The following XRN2 variants were observed in gnomAD, a reference collection of about 807,000 sequenced individuals.
XRN2 encodes the protein DHM1-like protein.
Under a neutral mutation model 138.5 loss-of-function variants are expected in XRN2, and 44 were observed. The ratio of observed to expected loss-of-function variants is 0.32; its 90% CI spans 0.25 to 0.41. The LOEUF (loss-of-function observed/expected upper bound fraction) is 0.41. XRN2 is among the 10% of genes least tolerant of loss of function. The pLI is 1.00. For missense variants in XRN2, 937 were observed against 1,169.3 expected (o/e 0.80, Z 2.90); for synonymous variants, 354 against 369.4 (o/e 0.96, Z 0.48).
At chr20:21,376,755 T>C (rs567747819) in intron 27 of XRN2, among the ~76,000 whole-genome samples, 1 of 152,272 alleles carries the variant, frequency 6.6e-6, no homozygotes, top group East Asian at 1.9e-4. Flanking sequence ...CTGTGATGCC[T>C]GGGTGCTTAC....
intron 1 of XRN2, chr20:21,303,953 G>A: frequency 1.3e-6 from 1 of 762,192 alleles, no homozygotes; most frequent in South Asian, 5.9e-5. Context: ...TACCAATTGT[G>A]CCGGAAAGGT....
At chr20:21,366,063 T>A (rs1346512423) in intron 26 of XRN2, among the ~76,000 whole-genome samples, 10 of 117,110 alleles carry the variant, frequency 8.5e-5, no homozygotes, top group Non-Finnish European at 1.7e-4. Flanking sequence ...ATAATATATA[T>A]AAATATATAT....
At chr20:21,374,041 A>G (rs1436322095) in intron 27 of XRN2, among the ~76,000 whole-genome samples, 1 of 152,212 alleles carries the variant, frequency 6.6e-6, no homozygotes, top group Non-Finnish European at 1.5e-5. Context: ...AAATCATCAC[A>G]ATAAAAAATT....
chr20:21,386,380 C>T (rs2038936947), intron 28 of XRN2, among the ~76,000 whole-genome samples: 1 of 152,194 alleles, frequency 6.6e-6, no homozygotes, highest in South Asian at 2.1e-4. Context: ...GAAAAAACAG[C>T]CAAGTCTCCT....
intron 27 of XRN2, among the ~76,000 whole-genome samples, chr20:21,371,025 TC>T (rs148778499): frequency 0.011 from 1,639 of 152,322 alleles, 20 homozygotes; most frequent in African/African-American, 0.038. Context: ...AACATTTTTT[TC>T]TAAATGTTTG....
intron 1 of XRN2, among the ~76,000 whole-genome samples, chr20:21,322,541 A>G (rs905364617): frequency 6.6e-6 from 1 of 152,126 alleles, no homozygotes; most frequent in African/African-American, 2.4e-5. Context: ...TGGTTTTTCT[A>G]ATGTTCCTGT....
At chr20:21,335,234 G>C (rs565802963) in intron 13 of XRN2, among the ~76,000 whole-genome samples, 26 of 152,306 alleles carry the variant, frequency 1.7e-4, no homozygotes, top group Middle Eastern at 3.4e-3. Context: ...AGTGATTGGA[G>C]GGTGATTGCA....
At chr20:21,356,970 A>G (rs2038582850) in intron 23 of XRN2, among the ~76,000 whole-genome samples, 1 of 152,172 alleles carries the variant, frequency 6.6e-6, no homozygotes, top group Non-Finnish European at 1.5e-5. Flanking sequence ...TTGAGTGCAC[A>G]GTGGAGTTTT....
intron 1 of XRN2, among the ~76,000 whole-genome samples, chr20:21,305,229 G>A (rs896424631): frequency 4.6e-5 from 7 of 152,110 alleles, no homozygotes; most frequent in Non-Finnish European, 7.4e-5. Context: ...TCAGTGGGAG[G>A]TACTGTTTTC....
chr20:21,316,741 T>C (rs76706504), intron 1 of XRN2, among the ~76,000 whole-genome samples: 8,988 of 152,334 alleles, frequency 0.059, 333 homozygotes, highest in African/African-American at 0.1. Flanking sequence ...GTCATCTTAA[T>C]GTTGAGTCTT....
chr20:21,386,883 A>T lies in XRN2; in HGVS notation c.2664A>T (p.Glu888Asp). The part of the protein sequence containing the change: ...QQRFDRGVGA[E>D]PLLPWNRMLQ... ...TTTCCTACAGAGGCGTTGGGGCTGA[A>T]CCTCTGCTCCCATGGAACCGGATGC... The change falls in exon 29 of 30, where the codon GAA (glutamate) becomes GAT (aspartate). Residue 888 changes from glutamate (E) to aspartate (D), a missense_variant. By Grantham distance (45) the Glu-to-Asp change is conservative (BLOSUM62 2). Coordinates refer to ENST00000377191, the MANE Select transcript of XRN2 (RefSeq NM_012255.5). The T allele has an allele frequency of 6.2e-7, 1 of 1,612,938 alleles. No individual in the cohort carries two copies. The highest frequency in any genetic ancestry group is 1.3e-5 in the African/African-American group (1 of 75,020).
chr20:21,333,901 T>C (rs934736268), intron 11 of XRN2, 36 bp from the exon 12 acceptor site: 1 of 1,614,058 alleles, frequency 6.2e-7, no homozygotes, highest in African/African-American at 1.3e-5. Flanking sequence ...CTGTGCCTAC[T>C]GGTCCTAATG....
At chr20:21,372,034 C>G (rs1246587960) in intron 27 of XRN2, among the ~76,000 whole-genome samples, 1 of 152,196 alleles carries the variant, frequency 6.6e-6, no homozygotes, top group Non-Finnish European at 1.5e-5. Context: ...AAAATACTTA[C>G]AGACTTTAAT....
intron 26 of XRN2, 41 bp downstream of exon 26, chr20:21,365,745 C>A: frequency 6.5e-7 from 1 of 1,537,826 alleles, no homozygotes; most frequent in Non-Finnish European, 8.8e-7. Flanking sequence ...TTTGCTTTTT[C>A]TGAATCATCC....
Position 21,382,033 on chromosome 20 carries a change from T to C in XRN2, c.2624T>C (p.Leu875Pro). ...GATTCCTGGCGAGGTCCTCCTCCCC[T>C]TTTCCAGCAGCAAAGGTTTGACAGG... ...PQDSWRGPPP[L>P]FQQQRFDRGV... The change falls in exon 28 of 30, where the codon CTT (leucine) becomes CCT (proline). Residue 875 changes from leucine to proline, a missense_variant. Physicochemically the swap from Leu to Pro is moderately conservative, Grantham distance 98. This residue lies in a region of XRN2 where 372 missense variants were observed against 414.4 expected (regional missense o/e 0.90). Transcript: ENST00000377191. 6.3e-7 allele frequency: 1 copy of C among 1,599,620 alleles called. No individual in the cohort carries two copies.
chr20:21,331,657 G>A, intron 7 of XRN2, 24 bp downstream of exon 7: 4 of 1,604,704 alleles, frequency 2.5e-6, no homozygotes, highest in Non-Finnish European at 3.4e-6. Context: ...ACCAATATTT[G>A]ATTATATGTT....
intron 26 of XRN2, 70 bp downstream of exon 26, chr20:21,365,774 T>G: frequency 1.6e-6 from 2 of 1,250,786 alleles, no homozygotes; most frequent in Non-Finnish European, 2.1e-6. Context: ...AAGTCAGTAT[T>G]TATGCCATAT....
chr20:21,355,985 C>A, intron 21 of XRN2, 95 bp from the exon 22 acceptor site: 2 of 753,952 alleles, frequency 2.7e-6, no homozygotes, highest in Non-Finnish European at 2.1e-6. Flanking sequence ...AAGTTCTTAA[C>A]ACTTAGATGC....
At chr20:21,357,907 C>T (rs1335277930) in intron 24 of XRN2, 115 bp downstream of exon 24, 16 of 810,404 alleles carry the variant, frequency 2.0e-5, no homozygotes, top group African/African-American at 1.9e-4. Flanking sequence ...ACCAATGCTT[C>T]GAGATTGGAG....
Sources: gnomAD v4.1 joint callset for allele counts (sites outside exome capture counted in the v4.1 genomes callset) on GRCh38, gnomAD v4.1.1 for gene constraint, gnomAD v4.1.1 regional missense constraint, MANE v1.5 for transcripts, NCBI Gene and HGNC (gene_info 2026-07-23, HGNC 2026-07-21) for gene names.